Variants in PITX3 observed in about 807,000 individuals in gnomAD.
PITX3 encodes pituitary homeobox 3.
PITX3 carries 4 observed loss-of-function variants against 14.2 expected under a neutral mutation model. The observed-to-expected ratio is 0.28, with a 90% CI of 0.14 to 0.65. The LOEUF is 0.65. PITX3 is among the 30% of genes least tolerant of loss of function. The probability of loss-of-function intolerance (pLI) is 0.82; values close to 1 mark genes in which losing one functional copy is unlikely to be tolerated. For missense variants in PITX3, 358 were observed against 426.8 expected (o/e 0.84, Z 1.42); for synonymous variants, 194 against 204.5 (o/e 0.95, Z 0.44).
chr10:102,235,804 G>A (rs1416319643), intron 1 of PITX3, among the ~76,000 whole-genome samples: 2 of 152,182 alleles, frequency 1.3e-5, no homozygotes, highest in Non-Finnish European at 2.9e-5. Flanking sequence ...GAATGAAGGT[G>A]AGTACGCTGC....
At chr10:102,233,144 A>G (rs2070294871) in intron 1 of PITX3, among the ~76,000 whole-genome samples, 1 of 151,984 alleles carries the variant, frequency 6.6e-6, no homozygotes, top group Non-Finnish European at 1.5e-5. Flanking sequence ...TCAACTCAGA[A>G]CGCTTGTTTT....
chr10:102,231,058 C>T lies in PITX3; in HGVS notation c.365G>A (p.Arg122His). The T allele has an allele frequency of 6.4e-7, 1 of 1,574,024 alleles. No individual in the cohort carries two copies. Among genetic ancestry groups the T allele is most frequent in the Non-Finnish European group, 8.6e-7 (1 of 1,161,958 alleles). ...TTTGCATAGCTCGGCCTGCTGGCTG[C>T]GCTCGCGCTTCCGCCATTTGGCGCG... ...NRRAKWRKRE[R>H]SQQAELCKGS... is the part of the protein sequence containing the mutation. Residue 122 changes from arginine to histidine, a missense_variant, in exon 4 of 4, where the codon CGC (arginine) becomes CAC (histidine). By Grantham distance (29) the Arg-to-His change is conservative. Coordinates refer to ENST00000370002, the MANE Select transcript of PITX3 (RefSeq NM_005029.4).
intron 1 of PITX3, among the ~76,000 whole-genome samples, chr10:102,235,285 C>T (rs932982178): frequency 6.6e-5 from 10 of 151,398 alleles, no homozygotes; most frequent in Non-Finnish European, 1.3e-4. Flanking sequence ...GAGTGTTCTG[C>T]ACTGGATGCT....
intron 1 of PITX3, among the ~76,000 whole-genome samples, chr10:102,232,420 C>A (rs897226803): frequency 6.6e-6 from 1 of 152,208 alleles, no homozygotes; most frequent in Admixed American, 6.5e-5. Flanking sequence ...CAGTGGCTCA[C>A]GCCTGTAATC....
intron 1 of PITX3, among the ~76,000 whole-genome samples, chr10:102,237,528 A>G (rs560302619): frequency 1.1e-4 from 16 of 152,248 alleles, no homozygotes; most frequent in Admixed American, 2.0e-4. Flanking sequence ...AGGCTACAGT[A>G]TGTCCAGCTT....
In PITX3 at chr10:102,241,491, G is replaced by A. The variant is rs2070536432; in HGVS notation, c.-171C>T. On this transcript the variant is annotated 5_prime_UTR_variant, in exon 1 of 4. Coordinates refer to ENST00000370002, the MANE Select transcript of PITX3 (RefSeq NM_005029.4). This position sits in a 1 kb window ranked among gnomAD's most constrained non-coding sequence, Gnocchi z 6.7. ...GGGCGCTCCTGGACTCTCGGAGGGA[G>A]TGAGCCTCACCGCGTACTGCCACCC... The A allele has an allele frequency of 1.3e-5, 2 of 152,458 alleles. No individual in the cohort carries two copies. The highest frequency in any genetic ancestry group is 4.8e-5 in the African/African-American group (2 of 41,444). 9.4% of individuals were successfully genotyped at this position (152,458 alleles called of 1,614,324 possible).
intron 1 of PITX3, among the ~76,000 whole-genome samples, chr10:102,237,789 A>C (rs1472554441): frequency 1.3e-5 from 2 of 151,972 alleles, no homozygotes; most frequent in African/African-American, 2.4e-5. Context: ...TTAATATAAA[A>C]CCCCCCAATC....
At position 102,232,018 on chromosome 10, in the gene PITX3, A is replaced by G; in HGVS notation, c.63T>C (p.Ala21=). ...ARSPALSLSD[A]GTPHPQLPEH... Reference sequence around the variant, plus strand: ...CTGGGAGCTGGGGGTGCGGAGTGCCAGCGTCTGACAGCGACAGGGCAGGGC... The same window carrying G: ...CTGGGAGCTGGGGGTGCGGAGTGCCGGCGTCTGACAGCGACAGGGCAGGGC... Residue 21 remains alanine, a synonymous_variant, in exon 2 of 4, where the codon GCT becomes GCC. Transcript: ENST00000370002. 6.8e-6 allele frequency: 11 copies of G among 1,608,864 alleles called. No homozygotes were observed. The highest frequency in any genetic ancestry group is 9.3e-6 in the Non-Finnish European group (11 of 1,179,266).
chr10:102,238,941 A>G (rs562899198), intron 1 of PITX3, among the ~76,000 whole-genome samples: 2 of 152,318 alleles, frequency 1.3e-5, no homozygotes, highest in Admixed American at 6.5e-5. Flanking sequence ...CTCTGGAAGT[A>G]TGCTGCCCAC....
intron 1 of PITX3, among the ~76,000 whole-genome samples, chr10:102,240,006 G>C (rs2070490811): frequency 6.6e-6 from 1 of 152,232 alleles, no homozygotes; most frequent in Non-Finnish European, 1.5e-5. Flanking sequence ...GGTGGTGTTG[G>C]GACTGGTAGG....
chr10:102,238,744 A>G (rs2070463951), intron 1 of PITX3, among the ~76,000 whole-genome samples: 1 of 152,198 alleles, frequency 6.6e-6, no homozygotes, highest in Non-Finnish European at 1.5e-5. Flanking sequence ...TACACCTCTA[A>G]GAAGGCAGGA....
intron 3 of PITX3, 29 bp from the exon 4 acceptor site, chr10:102,231,130 G>T: frequency 6.7e-7 from 1 of 1,492,470 alleles, no homozygotes; most frequent in Non-Finnish European, 8.9e-7. Flanking sequence ...GGCGGTCAGG[G>T]CCCGGGGCCG....
chr10:102,231,007 C>T lies in PITX3; in HGVS notation c.416G>A (p.Gly139Glu), dbSNP rs2070216406. Residue 139 changes from glycine to glutamate, a missense_variant, in exon 4 of 4, where the codon GGG becomes GAG. By Grantham distance (98) the Gly-to-Glu change is moderately conservative (BLOSUM62 -2). Around this residue, in one of 3 missense-constraint regions of PITX3, gnomAD observed 236 missense variants for 250.2 expected, o/e 0.94. Transcript: ENST00000370002. ...CACCTCCTCGTAGGGCGGCACCAGCCCCCCGAGCGGCGCCGCGAAGCTGCC... is the reference window on the plus strand; with the variant it reads ...CACCTCCTCGTAGGGCGGCACCAGCTCCCCGAGCGGCGCCGCGAAGCTGCC... Reference protein sequence around the residue: ...CKGSFAAPLGGLVPPYEEVYP... With the variant: ...CKGSFAAPLGELVPPYEEVYP... The T allele has an allele frequency of 2.5e-6, 4 of 1,599,494 alleles. No individual in the cohort carries two copies. The South Asian group carries it at 3.3e-5, about 13-fold the overall frequency.
intron 1 of PITX3, among the ~76,000 whole-genome samples, chr10:102,237,600 A>G (rs2070431638): frequency 6.6e-6 from 1 of 152,160 alleles, no homozygotes; most frequent in Non-Finnish European, 1.5e-5. Context: ...AAAAAACCCT[A>G]AGACCAGTCA....
rs2070198374 is a variant in PITX3 at position 102,230,297 on chromosome 10, T to A, written c.*217A>T. ...TTGGCCCCCGGGGAGCTGGTCCCTGTTCCTGGCTTTAGTCCCAGGGGCGCG... is the reference window on the plus strand; with the variant it reads ...TTGGCCCCCGGGGAGCTGGTCCCTGATCCTGGCTTTAGTCCCAGGGGCGCG... On this transcript the variant is annotated 3_prime_UTR_variant, in exon 4 of 4. Transcript: ENST00000370002. 5.1e-6 allele frequency: 3 copies of A among 583,508 alleles called. No individual in the cohort carries two copies. The highest frequency in any genetic ancestry group is 8.4e-6 in the Non-Finnish European group (3 of 358,298). 36.1% of individuals were successfully genotyped at this position (583,508 alleles called of 1,614,324 possible). A position where few individuals can be genotyped will look rare whatever the true frequency, so the allele number is the denominator to read the frequency against.
Position 102,230,721 on chromosome 10 carries a change from G to A in PITX3, c.702C>T (p.Ala234=). The change falls in exon 4 of 4, where the codon GCC becomes GCT. Residue 234 remains alanine, a synonymous_variant. Coordinates refer to ENST00000370002, the MANE Select transcript of PITX3 (RefSeq NM_005029.4). ...GLAPAAVSSG[A]VSCPYASAAA... ...CGGCCGAGGCATAAGGGCAGGACAC[G>A]GCCCCGGAGGACACGGCGGCCGGAG... 1 of 1,521,270 alleles carries A rather than the reference G, an allele frequency of 6.6e-7. No individual in the cohort carries two copies. The highest frequency in any genetic ancestry group is 2.2e-5 in the Admixed American group (1 of 45,786). 94.2% of individuals were successfully genotyped at this position (1,521,270 alleles called of 1,614,324 possible).
At position 102,233,287 on chromosome 10, in the gene PITX3, C is replaced by CT. The variant is rs35753815; in HGVS notation, c.-12-1196dup. 2.1e-3 allele frequency among the ~76,000 whole-genome samples: 283 copies of CT among 132,184 alleles called. 2 individuals carry two copies. The highest frequency in any genetic ancestry group is 6.8e-3 in the African/African-American group (242 of 35,446). 86.7% of individuals were successfully genotyped at this position (132,184 alleles called of 152,430 possible). On this transcript the variant is annotated intron_variant, in intron 1 of 3. Coordinates refer to ENST00000370002, the MANE Select transcript of PITX3 (RefSeq NM_005029.4). Reference sequence around the variant, plus strand: ...GGTCTGTTTCGTTTACGACTTCTTTCTTTTTTTTTTTTCCTTCTTTTTTTT... The same window carrying CT: ...GGTCTGTTTCGTTTACGACTTCTTTCTTTTTTTTTTTTTCCTTCTTTTTTTT...
intron 1 of PITX3, among the ~76,000 whole-genome samples, chr10:102,235,241 C>T (rs2133807102): frequency 6.9e-6 from 1 of 144,494 alleles, no homozygotes; most frequent in East Asian, 2.1e-4. Flanking sequence ...GCTAAGGACT[C>T]TGTGTGGGGG....
intron 1 of PITX3, among the ~76,000 whole-genome samples, chr10:102,235,316 G>A (rs541700902): frequency 6.6e-6 from 1 of 152,208 alleles, no homozygotes; most frequent in East Asian, 1.9e-4. Flanking sequence ...GAGAAGGCAT[G>A]AGAATGCTGG....
Sources: gnomAD v4.1 joint callset for allele counts (sites outside exome capture counted in the v4.1 genomes callset) on GRCh38, gnomAD v4.1.1 for gene constraint, gnomAD v4.1.1 regional missense constraint, Gnocchi (gnomAD v3.1) non-coding constraint, MANE v1.5 for transcripts, NCBI Gene and HGNC (gene_info 2026-07-23, HGNC 2026-07-21) for gene names.